Variants in SLC9A9 observed in about 807,000 individuals in gnomAD.
The protein encoded by SLC9A9 is solute carrier family 9 member A9, also known as sodium/hydrogen exchanger 9.
SLC9A9 carries 62 observed loss-of-function variants against 77.8 expected under a neutral mutation model. The ratio of observed to expected loss-of-function variants is 0.80; its 90% CI spans 0.65 to 0.98. The LOEUF is 0.98. Among genes scored for constraint, SLC9A9 ranks in the 50% least tolerant of loss-of-function variants. The probability of loss-of-function intolerance (pLI) is 0.00; values close to 1 mark genes in which losing one functional copy is unlikely to be tolerated. For synonymous variants in SLC9A9, 320 were observed against 283.5 expected (o/e 1.13, Z -1.29); for missense variants, 775 against 774.9 (o/e 1.00, Z 0.00).
At chr3:143,836,043 T>G (rs374556575) in intron 1 of SLC9A9, among the ~76,000 whole-genome samples, 1 of 152,184 alleles carries the variant, frequency 6.6e-6, no homozygotes, top group South Asian at 2.1e-4. Flanking sequence ...TAATGAACCC[T>G]GACTTCTCTC....
intron 6 of SLC9A9, among the ~76,000 whole-genome samples, chr3:143,631,625 A>G: frequency 6.6e-6 from 1 of 152,078 alleles, no homozygotes; most frequent in Non-Finnish European, 1.5e-5. Flanking sequence ...TTCAAACTCA[A>G]TACCCCATAG....
chr3:143,291,048 C>T (rs538853089), intron 14 of SLC9A9, among the ~76,000 whole-genome samples: 17 of 152,274 alleles, frequency 1.1e-4, no homozygotes, highest in South Asian at 8.3e-4. Context: ...TAACTGAGGG[C>T]GGAAGTGCTT....
chr3:143,584,679 T>C (rs2037512733), intron 6 of SLC9A9, among the ~76,000 whole-genome samples: 1 of 152,196 alleles, frequency 6.6e-6, no homozygotes, highest in African/African-American at 2.4e-5. Context: ...AAATATGAAA[T>C]GGATCTTTTT....
At chr3:143,731,061 G>T (rs779315699) in intron 4 of SLC9A9, among the ~76,000 whole-genome samples, 2 of 152,128 alleles carry the variant, frequency 1.3e-5, no homozygotes, top group Non-Finnish European at 2.9e-5. Flanking sequence ...AGACTAAAGG[G>T]CTATCTCCTC....
chr3:143,476,366 T>G lies in SLC9A9; in HGVS notation c.1316-9176A>C, dbSNP rs546724820. Among the ~76,000 whole-genome samples the G allele has an allele frequency of 3.9e-5, 6 of 152,364 alleles. No individual in the cohort carries two copies. The East Asian group carries it at 1.2e-3, about 29-fold the overall frequency. On this transcript the variant is annotated intron_variant, in intron 11 of 15. Coordinates refer to ENST00000316549, the MANE Select transcript of SLC9A9 (RefSeq NM_173653.4). ...TTGAATCATTTAAACTTAAGGCTAC[T>G]AAGAAGAAATGTGATATAACTTCTG... is the stretch of plus-strand genomic sequence containing the variant.
chr3:143,519,508 C>T (rs968323962), intron 9 of SLC9A9, among the ~76,000 whole-genome samples: 4 of 152,214 alleles, frequency 2.6e-5, no homozygotes, highest in Non-Finnish European at 5.9e-5. Flanking sequence ...CAAGACTTAA[C>T]GATGATTCTG....
At chr3:143,576,469 T>G (rs1485835255) in intron 7 of SLC9A9, among the ~76,000 whole-genome samples, 2 of 152,170 alleles carry the variant, frequency 1.3e-5, no homozygotes, top group African/African-American at 4.8e-5. Flanking sequence ...GACAATAACT[T>G]GTTTTACAGG....
intron 14 of SLC9A9, among the ~76,000 whole-genome samples, chr3:143,338,017 TAA>T (rs1349824913): frequency 6.6e-6 from 1 of 152,192 alleles, no homozygotes; most frequent in Non-Finnish European, 1.5e-5. Context: ...CTTTTGTGTA[TAA>T]GAGATGAACA....
chr3:143,697,142 T>A (rs951254492), intron 4 of SLC9A9, among the ~76,000 whole-genome samples: 1 of 151,586 alleles, frequency 6.6e-6, no homozygotes, highest in African/African-American at 2.4e-5. Context: ...TAATAATATA[T>A]ATTAGAAAAA....
chr3:143,562,811 G>C (rs2037108876), intron 8 of SLC9A9, among the ~76,000 whole-genome samples: 2 of 151,684 alleles, frequency 1.3e-5, no homozygotes, highest in South Asian at 4.2e-4. Flanking sequence ...GGACATATGA[G>C]GCCCTGCAGC....
At chr3:143,815,809 T>TGA (rs1262590466) in intron 2 of SLC9A9, among the ~76,000 whole-genome samples, 1 of 152,080 alleles carries the variant, frequency 6.6e-6, no homozygotes, top group Non-Finnish European at 1.5e-5. Flanking sequence ...GAGGTTACAG[T>TGA]GAGCCGGGAT....
chr3:143,770,416 A>G (rs1467274314), intron 4 of SLC9A9, among the ~76,000 whole-genome samples: 2 of 152,224 alleles, frequency 1.3e-5, no homozygotes, highest in Non-Finnish European at 2.9e-5. Context: ...GGTATACAGC[A>G]GAGATGGTAT....
intron 4 of SLC9A9, among the ~76,000 whole-genome samples, chr3:143,705,735 C>A (rs1933952424): frequency 6.6e-6 from 1 of 152,324 alleles, no homozygotes; most frequent in Admixed American, 6.5e-5. Flanking sequence ...ATGCACACTT[C>A]CACCAGCTGG....
At chr3:143,596,840 T>C (rs1304862245) in intron 6 of SLC9A9, among the ~76,000 whole-genome samples, 1 of 152,048 alleles carries the variant, frequency 6.6e-6, no homozygotes, top group Non-Finnish European at 1.5e-5. Context: ...GTTTTATTTT[T>C]TGTAGAGATT....
chr3:143,604,961 A>G (rs2037898170), intron 6 of SLC9A9, among the ~76,000 whole-genome samples: 1 of 152,196 alleles, frequency 6.6e-6, no homozygotes, highest in South Asian at 2.1e-4. Flanking sequence ...TGAATTCTGG[A>G]GGCTCTGCTT....
rs1304114618 is a variant in SLC9A9, at chr3:143,767,370, C to CTG, written c.533+27629_533+27630dup. On this transcript the variant is annotated intron_variant, in intron 4 of 15. Transcript: ENST00000316549. ...ATTTGGTTTGTGAAACAGTAAGTGT[C>CTG]TGTGTATGTGTGTGTGTGTGTGTGT... 1.0e-3 allele frequency among the ~76,000 whole-genome samples: 123 copies of CTG among 117,588 alleles called. No individual in the cohort carries two copies. The East Asian group carries it at 0.011, about 11-fold the overall frequency. The allele number at this position is 117,588 out of a possible 152,430, so 77.1% of individuals were successfully genotyped here.
At chr3:143,810,471 AT>A (rs1222742122) in intron 2 of SLC9A9, among the ~76,000 whole-genome samples, 1 of 152,234 alleles carries the variant, frequency 6.6e-6, no homozygotes, top group East Asian at 1.9e-4. Flanking sequence ...TTCTGACAAC[AT>A]TCTCAAGTGG....
intron 6 of SLC9A9, among the ~76,000 whole-genome samples, chr3:143,625,424 C>T (rs183677351): frequency 1.9e-3 from 295 of 152,228 alleles, no homozygotes; most frequent in African/African-American, 6.7e-3. Flanking sequence ...GAGATATAGA[C>T]CAATGGAACA....
intron 4 of SLC9A9, among the ~76,000 whole-genome samples, chr3:143,711,909 G>A (rs1355486561): frequency 6.6e-6 from 1 of 152,158 alleles, no homozygotes; most frequent in Admixed American, 6.5e-5. Context: ...AGAGCTACAT[G>A]GGGCTAATTC....
Sources: allele counts gnomAD v4.1 joint callset (sites outside exome capture counted in the v4.1 genomes callset), GRCh38; gene constraint gnomAD v4.1.1; transcripts MANE v1.5; gene names NCBI Gene and HGNC (gene_info 2026-07-23, HGNC 2026-07-21).